The following IL1RAPL1 variants were observed in gnomAD, a reference collection of about 807,000 sequenced individuals.
The protein encoded by IL1RAPL1 is interleukin 1 receptor accessory protein like 1, also known as interleukin-1 receptor accessory protein-like 1.
Under a neutral mutation model 48.4 loss-of-function variants are expected in IL1RAPL1, and 3 were observed. The ratio of observed to expected loss-of-function variants is 0.06; its 90% confidence interval spans 0.03 to 0.16. IL1RAPL1 has a LOEUF of 0.16. Ranked by LOEUF, IL1RAPL1 falls within the 10% of genes least tolerant of loss-of-function variation. The pLI is 1.00. For synonymous variants in IL1RAPL1, 185 were observed against 187.7 expected (o/e 0.99, Z 0.12); for missense variants, 349 against 530.6 (o/e 0.66, Z 3.36).
chrX:28,872,885 T>C (rs1328000544), intron 2 of IL1RAPL1, among the ~76,000 whole-genome samples: 2 of 111,917 alleles, frequency 1.8e-5, no homozygotes, highest in African/African-American at 6.5e-5. Context: ...CAAATATTAT[T>C]GTCTATAAGC....
chrX:29,797,893 C>T (rs753027618), intron 6 of IL1RAPL1, among the ~76,000 whole-genome samples: 3 of 110,900 alleles, frequency 2.7e-5, no homozygotes, highest in African/African-American at 9.8e-5. Flanking sequence ...CAAAACAAAA[C>T]AAAAACCAAA....
intron 2 of IL1RAPL1, among the ~76,000 whole-genome samples, chrX:28,790,906 C>T (rs886710346): frequency 9.0e-6 from 1 of 111,402 alleles, no homozygotes; most frequent in Non-Finnish European, 1.9e-5. Flanking sequence ...TTTTACAACA[C>T]TGATGTTTTC....
At chrX:29,225,668 T>C (rs1176128819) in intron 2 of IL1RAPL1, among the ~76,000 whole-genome samples, 1 of 111,337 alleles carries the variant, frequency 9.0e-6, no homozygotes, top group African/African-American at 3.3e-5. Flanking sequence ...GGATGGAGAA[T>C]GTGATTGGGC....
intron 3 of IL1RAPL1, among the ~76,000 whole-genome samples, chrX:29,376,342 G>A: frequency 9.1e-6 from 1 of 110,093 alleles, no homozygotes; most frequent in East Asian, 2.8e-4. Context: ...TTATTCAGGG[G>A]TAAGTTGTCT....
chrX:28,771,950 AAAAAAAAAAG>A (rs1936313046), intron 1 of IL1RAPL1, among the ~76,000 whole-genome samples: 3 of 109,390 alleles, frequency 2.7e-5, no homozygotes. Flanking sequence ...AAAAAAAAAA[AAAAAAAAAAG>A]AAAAAAGAAA....
chrX:29,224,034 T>C (rs1361491131), intron 2 of IL1RAPL1, among the ~76,000 whole-genome samples: 1 of 111,744 alleles, frequency 8.9e-6, no homozygotes, highest in African/African-American at 3.3e-5. Flanking sequence ...CCTTGCATAT[T>C]ATTGTTCACT....
rs970709314 is a variant in IL1RAPL1 at position 29,123,488 on chromosome X, G to A, written c.83-159450G>A. Among the ~76,000 whole-genome samples the A allele has an allele frequency of 6.2e-5, 7 of 112,026 alleles. No homozygotes were observed. The East Asian group carries it at 8.4e-4, about 13-fold the overall frequency. On this transcript the variant is annotated intron_variant, in intron 2 of 10. Transcript: ENST00000378993. ...CTGTAAAATATGACTAAGGCTTCCCGCTAATAAATGGCATTATGACGAAAT... is the reference window on the plus strand; with the variant it reads ...CTGTAAAATATGACTAAGGCTTCCCACTAATAAATGGCATTATGACGAAAT...
intron 2 of IL1RAPL1, among the ~76,000 whole-genome samples, chrX:29,083,177 G>T (rs1927880856): frequency 8.9e-6 from 1 of 111,769 alleles, no homozygotes. Flanking sequence ...TGAGAATGAT[G>T]CAAATATTGT....
At chrX:28,918,049 G>C (rs1285041305) in intron 2 of IL1RAPL1, among the ~76,000 whole-genome samples, 1 of 112,143 alleles carries the variant, frequency 8.9e-6, no homozygotes, top group Non-Finnish European at 1.9e-5. Flanking sequence ...TATAATTCCT[G>C]TTTTGCTGTT....
In IL1RAPL1 at chrX:28,677,611, G is replaced by A. The variant is rs189965120; in HGVS notation, c.-25+89564G>A. On this transcript the variant is annotated intron_variant, in intron 1 of 10. Coordinates refer to ENST00000378993, the MANE Select transcript of IL1RAPL1 (RefSeq NM_014271.4). ...CTGATACCTTTTTTTTTTTTGAGAC[G>A]GAGTCTCACTGTGTCACCCAGGCTG... 2.1e-4 allele frequency among the ~76,000 whole-genome samples: 23 copies of A among 107,997 alleles called. No individual in the cohort carries two copies. In the South Asian group the frequency reaches 4.8e-3, roughly 23 times the overall value. 93.8% of individuals were successfully genotyped at this position (107,997 alleles called of 115,157 possible).
intron 1 of IL1RAPL1, among the ~76,000 whole-genome samples, chrX:28,788,999 T>C (rs1395071561): frequency 9.0e-6 from 1 of 111,667 alleles, no homozygotes; most frequent in Admixed American, 9.5e-5. Context: ...GTTAGTGAAA[T>C]AATTCTTTTG....
intron 6 of IL1RAPL1, among the ~76,000 whole-genome samples, chrX:29,914,551 A>G (rs1440535753): frequency 2.7e-5 from 3 of 111,840 alleles, no homozygotes; most frequent in African/African-American, 9.8e-5. Flanking sequence ...AGTATAAATT[A>G]TTAATATATA....
intron 5 of IL1RAPL1, among the ~76,000 whole-genome samples, chrX:29,549,206 C>T (rs1388804177): frequency 1.8e-5 from 2 of 111,624 alleles, no homozygotes; most frequent in Non-Finnish European, 3.8e-5. Context: ...ATGTAAATTG[C>T]ACATCATTGT....
chrX:29,502,896 G>A (rs746995028), intron 5 of IL1RAPL1, among the ~76,000 whole-genome samples: 1 of 111,661 alleles, frequency 9.0e-6, no homozygotes, highest in South Asian at 3.7e-4. Flanking sequence ...TTCTTCAAAT[G>A]TTTGGTAGAA....
intron 3 of IL1RAPL1, among the ~76,000 whole-genome samples, chrX:29,350,425 G>A (rs868767272): frequency 1.6e-4 from 17 of 104,459 alleles, no homozygotes; most frequent in African/African-American, 5.7e-4. Flanking sequence ...TTATAACACT[G>A]ATGAGAAAAA....
Position 28,818,985 on chromosome X carries a change from GT to G in IL1RAPL1, c.82+29564del, listed in dbSNP as rs761040793. Among the ~76,000 whole-genome samples, 473 of 110,788 alleles carry G rather than the reference GT, an allele frequency of 4.3e-3. 5 individuals carry two copies. Among genetic ancestry groups the G allele is most frequent in the Middle Eastern group, 0.018 (4 of 218 alleles). Reference sequence around the variant, plus strand: ...AAGTATTTTAAAGCTAGATGTCATAGTTTTATTCCTCTGTCTCCTCGATATT... The same window carrying G: ...AAGTATTTTAAAGCTAGATGTCATAGTTTATTCCTCTGTCTCCTCGATATT... On this transcript the variant is annotated intron_variant, in intron 2 of 10. Coordinates refer to ENST00000378993, the MANE Select transcript of IL1RAPL1 (RefSeq NM_014271.4).
intron 9 of IL1RAPL1, among the ~76,000 whole-genome samples, chrX:29,950,530 A>T (rs1180971546): frequency 9.0e-6 from 1 of 111,353 alleles, no homozygotes; most frequent in South Asian, 3.8e-4. Context: ...AGAGTTTGCT[A>T]TAAATATAAA....
rs763390128 is a variant in IL1RAPL1 at position 29,040,670 on chromosome X, T to C, written c.83-242268T>C. 9.8e-5 allele frequency among the ~76,000 whole-genome samples: 11 copies of C among 112,513 alleles called. No homozygotes were observed. The Admixed American group carries it at 1.0e-3, about 11-fold the overall frequency. On this transcript the variant is annotated intron_variant, in intron 2 of 10. Coordinates refer to ENST00000378993, the MANE Select transcript of IL1RAPL1 (RefSeq NM_014271.4). ...GAAAAAAATAAATAAAAAGAAACCC[T>C]TTTCACTTTAAACAAAGAGATAATG...
At position 29,366,224 on chromosome X, in the gene IL1RAPL1, A is replaced by G. The variant is rs186471870; in HGVS notation, c.363-30034A>G. On this transcript the variant is annotated intron_variant, in intron 3 of 10. Transcript: ENST00000378993. ...ACCTTAAGTTGGGGGTTGATCAAAT[A>G]TTAAGAAGAAAGTCTGAGAATTTTT... Among the ~76,000 whole-genome samples the G allele has an allele frequency of 2.2e-4, 24 of 111,129 alleles. No individual in the cohort carries two copies. The East Asian group carries it at 5.1e-3, about 23-fold the overall frequency.
Sources: allele counts gnomAD v4.1 joint callset (sites outside exome capture counted in the v4.1 genomes callset), GRCh38; gene constraint gnomAD v4.1.1; transcripts MANE v1.5; gene names NCBI Gene and HGNC (gene_info 2026-07-23, HGNC 2026-07-21).